Variants in CACNA2D3 observed in about 807,000 individuals in gnomAD.
The protein encoded by CACNA2D3 is voltage-dependent calcium channel subunit alpha-2/delta-3.
A neutral mutation model predicts 160.6 loss-of-function variants in CACNA2D3; 60 were observed. The ratio of observed to expected loss-of-function variants is 0.37; its 90% CI spans 0.30 to 0.46. The LOEUF (loss-of-function observed/expected upper bound fraction) is 0.46, where lower values mean the gene tolerates loss of function less well. CACNA2D3 is among the 20% of genes least tolerant of loss of function. CACNA2D3 has a pLI of 1.00. For missense variants in CACNA2D3, 1,205 were observed against 1,365.0 expected (o/e 0.88, Z 1.85); for synonymous variants, 558 against 492.9 (o/e 1.13, Z -1.75).
chr3:54,581,945 C>T lies in CACNA2D3; in HGVS notation c.963+68C>T, dbSNP rs1702685234. ...TGTCTCCCTCATAGTGATTGTTTCA[C>T]AATAAATCTGTCTTATCAAATGCAC... is the stretch of plus-strand genomic sequence containing the variant. On this transcript the variant is annotated intron_variant, in intron 9 of 37. Coordinates refer to ENST00000474759, the MANE Select transcript of CACNA2D3 (RefSeq NM_018398.3). 36 of 1,303,200 alleles carry T rather than the reference C, an allele frequency of 2.8e-5. No individual in the cohort carries two copies. The South Asian group carries it at 4.6e-4, about 17-fold the overall frequency. 80.7% of individuals were successfully genotyped at this position (1,303,200 alleles called of 1,614,324 possible).
chr3:54,178,526 A>G (rs1160265486), intron 2 of CACNA2D3, among the ~76,000 whole-genome samples: 1 of 152,240 alleles, frequency 6.6e-6, no homozygotes. Context: ...AGACACACGA[A>G]GAAAAAGGCG....
intron 2 of CACNA2D3, among the ~76,000 whole-genome samples, chr3:54,145,312 C>T (rs2107273135): frequency 6.6e-6 from 1 of 152,316 alleles, no homozygotes; most frequent in East Asian, 1.9e-4. Flanking sequence ...TTGCGCTGTG[C>T]ACGGTGGTAG....
intron 5 of CACNA2D3, among the ~76,000 whole-genome samples, chr3:54,552,518 T>G (rs1413132912): frequency 1.3e-5 from 2 of 152,338 alleles, no homozygotes; most frequent in East Asian, 1.9e-4. Flanking sequence ...TTACAGGAAC[T>G]TAGCAAACTT....
At chr3:54,228,244 C>T (rs1276508140) in intron 2 of CACNA2D3, among the ~76,000 whole-genome samples, 1 of 152,126 alleles carries the variant, frequency 6.6e-6, no homozygotes, top group African/African-American at 2.4e-5. Context: ...GTTTGGCTTC[C>T]TTCACAGGAT....
intron 3 of CACNA2D3, among the ~76,000 whole-genome samples, chr3:54,383,763 A>G (rs1440830584): frequency 1.3e-5 from 2 of 152,148 alleles, no homozygotes; most frequent in African/African-American, 2.4e-5. Context: ...TAGCAGGTCA[A>G]ATTCTCATGT....
intron 2 of CACNA2D3, among the ~76,000 whole-genome samples, chr3:54,234,159 C>G (rs1468614967): frequency 6.6e-6 from 1 of 151,932 alleles, no homozygotes; most frequent in African/African-American, 2.4e-5. Flanking sequence ...CTTAAATTTA[C>G]AATAAAAAAA....
intron 27 of CACNA2D3, among the ~76,000 whole-genome samples, chr3:54,918,005 A>G (rs570698617): frequency 7.9e-5 from 12 of 152,362 alleles, no homozygotes; most frequent in Admixed American, 2.6e-4. Flanking sequence ...GAGGCATTCA[A>G]TGCCCATCGG....
At chr3:54,925,452 G>T (rs1186073989) in intron 27 of CACNA2D3, among the ~76,000 whole-genome samples, 1 of 152,134 alleles carries the variant, frequency 6.6e-6, no homozygotes, top group African/African-American at 2.4e-5. Context: ...CCTTGAGAAA[G>T]ATACTCTCAG....
intron 13 of CACNA2D3, among the ~76,000 whole-genome samples, chr3:54,765,184 G>T (rs193264001): frequency 6.6e-6 from 1 of 152,104 alleles, no homozygotes; most frequent in East Asian, 1.9e-4. Flanking sequence ...TCTCTCCCTG[G>T]GCTCTCTCAT....
intron 23 of CACNA2D3, among the ~76,000 whole-genome samples, chr3:54,887,151 C>G (rs1024967294): frequency 6.6e-6 from 1 of 152,078 alleles, no homozygotes; most frequent in African/African-American, 2.4e-5. Context: ...CTTGGCCGAG[C>G]GTGGTGGCTC....
intron 13 of CACNA2D3, among the ~76,000 whole-genome samples, chr3:54,790,859 G>A (rs1020075330): frequency 6.6e-6 from 1 of 152,060 alleles, no homozygotes; most frequent in Non-Finnish European, 1.5e-5. Context: ...TGTCACTATT[G>A]CTAGGCAGTG....
In CACNA2D3 at chr3:55,072,536, C is replaced by G. The variant is rs138997890; in HGVS notation, c.2988-909C>G. On this transcript the variant is annotated intron_variant, in intron 35 of 37. Transcript: ENST00000474759. ...GAAGATAAAACTTTGGAGAAACTGA[C>G]AATTTTGTTAATTTCCATTTGTTAA... Among the ~76,000 whole-genome samples, 90 of 152,318 alleles carry G rather than the reference C, an allele frequency of 5.9e-4. No homozygotes were observed. The South Asian group carries it at 8.3e-3, about 14-fold the overall frequency.
chr3:54,453,512 G>A (rs560085890), intron 4 of CACNA2D3, among the ~76,000 whole-genome samples: 42 of 70,638 alleles, frequency 5.9e-4, no homozygotes, highest in Admixed American at 3.2e-3. Flanking sequence ...TTATACAAAC[G>A]AGATCTTTTT....
chr3:54,254,488 G>T (rs763011018), intron 2 of CACNA2D3, among the ~76,000 whole-genome samples: 1 of 152,166 alleles, frequency 6.6e-6, no homozygotes, highest in African/African-American at 2.4e-5. Context: ...TAGCTTCTTT[G>T]TGGTTATGTT....
chr3:55,004,814 C>T lies in CACNA2D3; in HGVS notation c.2742C>T (p.Ser914=), dbSNP rs79458991. The change falls in exon 32 of 38, where the codon AGC becomes AGT. Residue 914 remains serine, a synonymous_variant. Coordinates refer to ENST00000474759, the MANE Select transcript of CACNA2D3 (RefSeq NM_018398.3). The part of the protein sequence containing the change: ...QAMCRANKES[S]DGAHGLLDPY... ...TGTGTAGAGCCAACAAGGAAAGCAG[C>T]GATGGCGCCCATGGCCTCCTGGATG... is the stretch of plus-strand genomic sequence containing the variant. The T allele has an allele frequency of 6.1e-4, 984 of 1,613,328 alleles. 4 individuals are homozygous for T. The African/African-American group carries it at 7.8e-3, about 13-fold the overall frequency.
chr3:54,939,219 G>A (rs901330229), intron 27 of CACNA2D3, among the ~76,000 whole-genome samples: 2 of 152,142 alleles, frequency 1.3e-5, no homozygotes, highest in African/African-American at 4.8e-5. Context: ...ACCTGGAAAT[G>A]ATCATGTTAT....
chr3:54,833,262 G>C (rs1023684001), intron 14 of CACNA2D3, among the ~76,000 whole-genome samples: 4 of 152,184 alleles, frequency 2.6e-5, no homozygotes, highest in African/African-American at 9.7e-5. Flanking sequence ...CACAACCACA[G>C]GTTTCAGAGG....
In CACNA2D3 at chr3:54,140,674, C is replaced by T. The variant is rs78378918; in HGVS notation, c.204+17080C>T. 3.6e-3 allele frequency among the ~76,000 whole-genome samples: 542 copies of T among 152,324 alleles called. 5 individuals are homozygous for T. Among genetic ancestry groups the T allele is most frequent in the Admixed American group, 0.024 (365 of 15,306 alleles). On this transcript the variant is annotated intron_variant, in intron 2 of 37. Coordinates refer to ENST00000474759, the MANE Select transcript of CACNA2D3 (RefSeq NM_018398.3). ...CACTTATTAGCTGTGTGGCCTTAGG[C>T]AAGTCACGTCACCTCTCTGGGTTGC...
chr3:54,301,539 C>T (rs1020327677), intron 2 of CACNA2D3, among the ~76,000 whole-genome samples: 1 of 152,102 alleles, frequency 6.6e-6, no homozygotes, highest in African/African-American at 2.4e-5. Flanking sequence ...ATATTTAATA[C>T]ACACCTATAT....
Sources: gnomAD v4.1 joint callset for allele counts (sites outside exome capture counted in the v4.1 genomes callset) on GRCh38, gnomAD v4.1.1 for gene constraint, MANE v1.5 for transcripts, NCBI Gene and HGNC (gene_info 2026-07-23, HGNC 2026-07-21) for gene names.